CUZD1: variants seen among roughly 807,000 people sequenced by gnomAD.
The protein encoded by CUZD1 is CUB and zona pellucida-like domain-containing protein 1.
Under a neutral mutation model 53.1 loss-of-function variants are expected in CUZD1, and 42 were observed. The ratio of observed to expected loss-of-function variants is 0.79; its 90% CI spans 0.62 to 1.02. The LOEUF is 1.02. Among genes scored for constraint, CUZD1 ranks in the 50% least tolerant of loss-of-function variants. CUZD1 has a pLI of 0.00. For synonymous variants in CUZD1, 238 were observed against 257.2 expected, an observed-to-expected ratio of 0.93 and a Z score of 0.71; for missense variants, 670 against 715.7, an observed-to-expected ratio of 0.94 and a Z score of 0.73.
At chr10:122,842,434 T>C (rs542567240) in intron 1 of CUZD1, among the ~76,000 whole-genome samples, 1 of 152,356 alleles carries the variant, frequency 6.6e-6, no homozygotes, top group South Asian at 2.1e-4. Context: ...ACCATATTTG[T>C]GTGGATCTAT....
Position 122,835,069 on chromosome 10 carries a change from T to C in CUZD1, c.1019A>G (p.Asn340Ser). ...KVEDQSITYT[N>S]IITFSASSTS... ...TGAGGATGCAGAAAAGGTGATTATATTGGTGTAAGTAATTGACTGATCTTC... is the reference window on the plus strand; with the variant it reads ...TGAGGATGCAGAAAAGGTGATTATACTGGTGTAAGTAATTGACTGATCTTC... The change falls in exon 7 of 9, where the codon AAT (asparagine) becomes AGT (serine). Residue 340 changes from asparagine (N) to serine (S), a missense_variant. Transcript: ENST00000392790. The C allele has an allele frequency of 6.3e-7, 1 of 1,589,654 alleles. No individual in the cohort carries two copies.
chr10:122,844,097 T>A (rs953430832), intron 1 of CUZD1, among the ~76,000 whole-genome samples: 1 of 151,576 alleles, frequency 6.6e-6, no homozygotes, highest in Non-Finnish European at 1.5e-5. Flanking sequence ...GGCACAATCA[T>A]AGCTTACTGC....
rs78919188 is a variant in CUZD1, at chr10:122,832,695, G to A, written c.1652-245C>T. ...GATTTCTCGGTATCACATGAAAAACGTGTAACACTCAAGCATAACAGTCAA... is the reference window on the plus strand; with the variant it reads ...GATTTCTCGGTATCACATGAAAAACATGTAACACTCAAGCATAACAGTCAA... On this transcript the variant is annotated intron_variant, in intron 8 of 8. Coordinates refer to ENST00000392790, the MANE Select transcript of CUZD1 (RefSeq NM_022034.6). Among the ~76,000 whole-genome samples, 1,439 of 151,966 alleles carry A rather than the reference G, an allele frequency of 9.5e-3. 24 individuals carry two copies. Among genetic ancestry groups the A allele is most frequent in the African/African-American group, 0.032 (1,326 of 41,422 alleles).
intron 6 of CUZD1, among the ~76,000 whole-genome samples, chr10:122,835,952 T>C (rs1201138056): frequency 6.6e-6 from 1 of 152,184 alleles, no homozygotes; most frequent in East Asian, 1.9e-4. Flanking sequence ...CTTTACCTTC[T>C]GGGAAAGATA....
Position 122,836,973 on chromosome 10 carries a change from A to G in CUZD1, c.675T>C (p.Ile225=), listed in dbSNP as rs775198104. ...GAGTCACACGGCCACAGACTTGTCC[A>G]ATCAGGCCAGAGTTGGTGGAGGGGC... ...YDGPSTNSGL[I]GQVCGRVTPT... is the part of the protein sequence containing the mutation. Residue 225 remains isoleucine (I), a synonymous_variant, in exon 5 of 9, where the codon ATT becomes ATC. Transcript: ENST00000392790. The G allele has an allele frequency of 1.9e-6, 3 of 1,614,166 alleles. No homozygotes were observed. The highest frequency in any genetic ancestry group is 2.5e-6 in the Non-Finnish European group (3 of 1,179,996).
At position 122,837,388 on chromosome 10, in the gene CUZD1, G is replaced by A; in HGVS notation, c.599+16C>T. 6.2e-6 allele frequency: 10 copies of A among 1,613,666 alleles called. No individual in the cohort carries two copies. Among genetic ancestry groups the A allele is most frequent in the Non-Finnish European group, 8.5e-6 (10 of 1,179,718 alleles). On this transcript the variant is annotated intron_variant, in intron 4 of 8. Transcript: ENST00000392790. ...TTACTGCATTTGTTCCAACAGAATT[G>A]GGCAGCAGTACTTACAAAATCTCTT...
Position 122,839,028 on chromosome 10 carries a change from GAGA to G in CUZD1, c.434_436del (p.Phe145del), listed in dbSNP as rs1410929512. ...AAATGAGGACTTACAGATGTTAGGA[GAGA>G]AGAAGTAGTAGAAGACAAAGACAGT... On this transcript the variant is annotated inframe_deletion, in exon 3 of 9. Coordinates refer to ENST00000392790, the MANE Select transcript of CUZD1 (RefSeq NM_022034.6). The G allele has an allele frequency of 3.7e-6, 6 of 1,613,210 alleles. No individual in the cohort carries two copies. The highest frequency in any genetic ancestry group is 2.7e-5 in the African/African-American group (2 of 74,912).
At chr10:122,835,383 A>C (rs1325578732) in intron 6 of CUZD1, among the ~76,000 whole-genome samples, 1 of 152,210 alleles carries the variant, frequency 6.6e-6, no homozygotes, top group Non-Finnish European at 1.5e-5. Context: ...TTCCAGTCTT[A>C]AAAAGACATT....
At position 122,836,935 on chromosome 10, in the gene CUZD1, G is replaced by T; in HGVS notation, c.713C>A (p.Ser238Ter). Reference sequence around the variant, plus strand: ...CACGACAGTCAGAGAGTTTGATGACGATTCGAAGGTGGGAGTCACACGGCC... The same window carrying T: ...CACGACAGTCAGAGAGTTTGATGACTATTCGAAGGTGGGAGTCACACGGCC... ...VCGRVTPTFE[S>*]SSNSLTVVLS... The change falls in exon 5 of 9, where the codon TCG becomes TAG. Residue 238 changes from serine (S) to a stop codon, truncating the protein, a stop_gained. Coordinates refer to ENST00000392790, the MANE Select transcript of CUZD1 (RefSeq NM_022034.6). LOFTEE classifies it high-confidence loss of function. 1 of 1,614,076 alleles carries T rather than the reference G, an allele frequency of 6.2e-7. No homozygotes were observed. Among genetic ancestry groups the T allele is most frequent in the Non-Finnish European group, 8.5e-7 (1 of 1,179,952 alleles).
rs753711457 is a variant in CUZD1, at chr10:122,832,298, G to C, written c.1804C>G (p.Gln602Glu). Reference protein sequence around the residue: ...FVNQRADYKYQKLQNY With the variant: ...FVNQRADYKYEKLQNY The stretch of plus-strand genomic sequence containing the variant: ...GTTAGTTAATAGTTCTGCAGCTTCT[G>C]GTATTTGTAGTCTGCCCGTTGATTT... Residue 602 changes from glutamine (Q) to glutamate (E), a missense_variant, in exon 9 of 9, where the codon CAG (glutamine) becomes GAG (glutamate). Coordinates refer to ENST00000392790, the MANE Select transcript of CUZD1 (RefSeq NM_022034.6). The C allele has an allele frequency of 6.2e-7, 1 of 1,613,986 alleles. No individual in the cohort carries two copies. The highest frequency in any genetic ancestry group is 8.5e-7 in the Non-Finnish European group (1 of 1,179,932).
chr10:122,833,988 T>C (rs754488911), intron 7 of CUZD1, 48 bp from the exon 8 acceptor site: 1 of 1,550,714 alleles, frequency 6.4e-7, no homozygotes, highest in South Asian at 1.2e-5. Flanking sequence ...ACAAATTCAG[T>C]CTTTTCCATA....
At chr10:122,843,679 T>A (rs199734303) in intron 1 of CUZD1, among the ~76,000 whole-genome samples, 1 of 151,796 alleles carries the variant, frequency 6.6e-6, no homozygotes, top group East Asian at 1.9e-4. Flanking sequence ...TTCATTTATG[T>A]GAAATATCCA....
At chr10:122,838,793 G>A (rs1020196843) in intron 3 of CUZD1, among the ~76,000 whole-genome samples, 3 of 152,160 alleles carry the variant, frequency 2.0e-5, no homozygotes, top group African/African-American at 7.2e-5. Flanking sequence ...GCTCCATCCA[G>A]AACCAATGAA....
rs997633966 is a variant in CUZD1, at chr10:122,845,854, C to T, written c.-11G>A. ...TCTTACAAGCTCCATTTTGGCAAGG[C>T]GCTGGGCAGCCTTAAGGACCGACAG... On this transcript the variant is annotated 5_prime_UTR_variant, in exon 1 of 9. Coordinates refer to ENST00000392790, the MANE Select transcript of CUZD1 (RefSeq NM_022034.6). 6.2e-6 allele frequency: 10 copies of T among 1,612,048 alleles called. No individual in the cohort carries two copies. The highest frequency in any genetic ancestry group is 3.3e-5 in the Admixed American group (2 of 59,932).
At chr10:122,845,237 T>G (rs2133820023) in intron 1 of CUZD1, among the ~76,000 whole-genome samples, 1 of 152,154 alleles carries the variant, frequency 6.6e-6, no homozygotes, top group East Asian at 1.9e-4. Context: ...TCACCACACC[T>G]GGCTAATTTT....
rs552241138 is a variant in CUZD1, at chr10:122,838,409, C to T, written c.448+608G>A. Among the ~76,000 whole-genome samples the T allele has an allele frequency of 2.2e-4, 34 of 152,296 alleles. 1 individual carries two copies. The South Asian group carries it at 6.0e-3, about 27-fold the overall frequency. On this transcript the variant is annotated intron_variant, in intron 3 of 8. Coordinates refer to ENST00000392790, the MANE Select transcript of CUZD1 (RefSeq NM_022034.6). ...CGCAGATGTTCTTGGCATTCTGCTT[C>T]GGATCACAGTGGAATGTAGGTGCTG...
chr10:122,833,758 C>T lies in CUZD1; in HGVS notation c.1565G>A (p.Arg522Gln), dbSNP rs868328670. The T allele has an allele frequency of 6.2e-6, 10 of 1,613,836 alleles. No individual in the cohort carries two copies. Among genetic ancestry groups the T allele is most frequent in the Middle Eastern group, 1.6e-4 (1 of 6,084 alleles). Residue 522 changes from arginine to glutamine, a missense_variant, in exon 8 of 9, where the codon CGA becomes CAA. Transcript: ENST00000392790. Reference sequence around the variant, plus strand: ...TTTCCATTTATATGAAGAAATGTCTCGTTTGCTTCTGGAGACACAACCTTG... The same window carrying T: ...TTTCCATTTATATGAAGAAATGTCTTGTTTGCTTCTGGAGACACAACCTTG... ...CNQGCVSRSK[R>Q]DISSYKWKTD...
At chr10:122,840,155 T>A (rs1295430273) in intron 2 of CUZD1, among the ~76,000 whole-genome samples, 1 of 152,216 alleles carries the variant, frequency 6.6e-6, no homozygotes, top group Non-Finnish European at 1.5e-5. Flanking sequence ...CCAGGAAATT[T>A]GAGGCCTCTT....
Position 122,834,948 on chromosome 10 carries a change from T to G in CUZD1, c.1140A>C (p.Glu380Asp). 2 of 1,613,776 alleles carry G rather than the reference T, an allele frequency of 1.2e-6. No homozygotes were observed. The highest frequency in any genetic ancestry group is 1.7e-6 in the Non-Finnish European group (2 of 1,179,718). ...CATTTTGACTTTGTATTACATCATC[T>G]TCTGTTATGTATATTATCTCCACTG... ...NSTVEIIYIT[E>D]DDVIQSQNAL... Residue 380 changes from glutamate (E) to aspartate (D), a missense_variant, in exon 7 of 9, where the codon GAA becomes GAC. Coordinates refer to ENST00000392790, the MANE Select transcript of CUZD1 (RefSeq NM_022034.6).
Sources: gnomAD v4.1 joint callset for allele counts (sites outside exome capture counted in the v4.1 genomes callset) on GRCh38, gnomAD v4.1.1 for gene constraint, MANE v1.5 for transcripts, NCBI Gene and HGNC (gene_info 2026-07-23, HGNC 2026-07-21) for gene names.